KIDINS220: variants seen among roughly 807,000 people sequenced by gnomAD.
KIDINS220 encodes the protein kinase D-interacting substrate of 220 kDa.
Under a neutral mutation model 157.6 loss-of-function variants are expected in KIDINS220, and 63 were observed. The observed-to-expected ratio is 0.40, with a 90% confidence interval of 0.33 to 0.49. The LOEUF is 0.49. Ranked by LOEUF, KIDINS220 falls within the 20% of genes least tolerant of loss-of-function variation. The probability of loss-of-function intolerance (pLI) is 0.66; values close to 1 mark genes in which losing one functional copy is unlikely to be tolerated. For synonymous variants in KIDINS220, 732 were observed against 783.6 expected (o/e 0.93, Z 1.10); for missense variants, 1,772 against 2,171.2 (o/e 0.82, Z 3.65).
At chr2:8,819,806 C>T (rs978520719) in intron 2 of KIDINS220, among the ~76,000 whole-genome samples, 14 of 151,834 alleles carry the variant, frequency 9.2e-5, no homozygotes, top group African/African-American at 3.1e-4. Context: ...GCCTGGGTGA[C>T]AGAGCAAGAC....
rs1572395535 is a variant in KIDINS220, at chr2:8,730,306, T to C, written c.*414A>G. The C allele has an allele frequency of 1.0e-6, 1 of 1,003,574 alleles. No individual in the cohort carries two copies. The highest frequency in any genetic ancestry group is 1.0e-4 in the East Asian group (1 of 9,598). 62.2% of individuals were successfully genotyped at this position (1,003,574 alleles called of 1,614,324 possible). On this transcript the variant is annotated 3_prime_UTR_variant, in exon 30 of 30. Transcript: ENST00000256707. ...CCCTAAGAGCAGGGTTTGCTTCTGC[T>C]TCACCTAACGCCACGTCTTCCCTCA...
intron 23 of KIDINS220, 101 bp from the exon 24 acceptor site, chr2:8,750,436 T>C: frequency 1.4e-6 from 1 of 731,870 alleles, no homozygotes; most frequent in Non-Finnish European, 2.0e-6. Flanking sequence ...GAAACATGAC[T>C]TTATCACTCT....
chr2:8,790,180 A>G (rs1478812003), intron 13 of KIDINS220, 121 bp from the exon 14 acceptor site: 2 of 837,798 alleles, frequency 2.4e-6, no homozygotes, highest in Non-Finnish European at 3.6e-6. Context: ...GTAGGTCCCT[A>G]GATGGAATAC....
At position 8,734,863 on chromosome 2, in the gene KIDINS220, A is replaced by T. The variant is rs911041596; in HGVS notation, c.3718-110T>A. On this transcript the variant is annotated intron_variant, in intron 27 of 29. Transcript: ENST00000256707. ...TTTAGTTTTAAATAAGTCTCTAGAG[A>T]CCAGAAAGGCTGACCAAAAAAAAGG... 10 of 724,594 alleles carry T rather than the reference A, an allele frequency of 1.4e-5. No individual in the cohort carries two copies. In the African/African-American group the frequency reaches 1.4e-4, roughly 11 times the overall value. The allele number at this position is 724,594 out of a possible 1,614,324, so 44.9% of individuals were successfully genotyped here. A position where few individuals can be genotyped will look rare whatever the true frequency, so the allele number is the denominator to read the frequency against.
chr2:8,770,877 T>C (rs763044152), intron 21 of KIDINS220, 45 bp from the exon 22 acceptor site: 5 of 1,234,076 alleles, frequency 4.1e-6, no homozygotes, highest in South Asian at 3.1e-5. Context: ...AGATGTGTGA[T>C]AGTATGTTAA....
At chr2:8,799,929 T>C (rs1231249933) in intron 9 of KIDINS220, among the ~76,000 whole-genome samples, 3 of 152,176 alleles carry the variant, frequency 2.0e-5, no homozygotes, top group African/African-American at 7.2e-5. Flanking sequence ...TTAAGCAATG[T>C]CCATAGGCAC....
At chr2:8,825,372 C>CAAAAAAAAAAAAAAAAAAAAAA (rs369409976) in intron 2 of KIDINS220, among the ~76,000 whole-genome samples, 1 of 108,614 alleles carries the variant, frequency 9.2e-6, no homozygotes, top group Non-Finnish European at 1.8e-5. Context: ...GACTCCGTCT[C>CAAAAAAAAAAAAAAAAAAAAAA]AAAAAAAAAA....
In KIDINS220 at chr2:8,809,840, T is replaced by G. The variant is rs1474072268; in HGVS notation, c.504+2555A>C. On this transcript the variant is annotated intron_variant, in intron 6 of 29. Transcript: ENST00000256707. ...TGTACTATTAAACGTTAATTTTTTC[T>G]AAAACACCCCTTTGCAACCACCTAC... is the stretch of plus-strand genomic sequence containing the variant. Among the ~76,000 whole-genome samples the G allele has an allele frequency of 2.6e-5, 4 of 152,112 alleles. No homozygotes were observed. In the East Asian group the frequency reaches 7.7e-4, roughly 29 times the overall value.
At chr2:8,734,775 T>C in intron 27 of KIDINS220, 22 bp from the exon 28 acceptor site, 11 of 1,512,090 alleles carry the variant, frequency 7.3e-6, no homozygotes, top group Non-Finnish European at 9.2e-6. Flanking sequence ...TTAAAACAAT[T>C]ATGGGTATAA....
chr2:8,833,150 C>G (rs952214242), intron 1 of KIDINS220, among the ~76,000 whole-genome samples: 1 of 152,192 alleles, frequency 6.6e-6, no homozygotes, highest in Non-Finnish European at 1.5e-5. Context: ...CAGCTTACTC[C>G]TTCTACCTAA....
At chr2:8,771,366 T>C (rs1353790762) in intron 21 of KIDINS220, among the ~76,000 whole-genome samples, 2 of 152,216 alleles carry the variant, frequency 1.3e-5, no homozygotes, top group African/African-American at 2.4e-5. Context: ...ATGTTTCTAA[T>C]ATTTATTATT....
intron 7 of KIDINS220, among the ~76,000 whole-genome samples, chr2:8,804,445 T>C (rs1675158949): frequency 6.6e-6 from 1 of 152,190 alleles, no homozygotes; most frequent in Non-Finnish European, 1.5e-5. Context: ...ATCAGGCTTC[T>C]TCACCTCTCC....
intron 8 of KIDINS220, among the ~76,000 whole-genome samples, chr2:8,802,387 T>A (rs780326974): frequency 6.6e-6 from 1 of 152,028 alleles, no homozygotes; most frequent in Non-Finnish European, 1.5e-5. Context: ...AGTGGACAGA[T>A]AAAGGATTTG....
intron 6 of KIDINS220, among the ~76,000 whole-genome samples, chr2:8,809,949 A>C (rs1046344613): frequency 6.6e-6 from 1 of 152,018 alleles, no homozygotes; most frequent in African/African-American, 2.4e-5. Context: ...AGACTCACCC[A>C]AAGGTAGCTC....
At chr2:8,802,887 T>A (rs1674916807) in intron 8 of KIDINS220, 43 bp downstream of exon 8, 1 of 1,529,930 alleles carries the variant, frequency 6.5e-7, no homozygotes, top group African/African-American at 1.4e-5. Flanking sequence ...TCACCTTTCA[T>A]CCACTTCACC....
Position 8,734,706 on chromosome 2 carries a change from C to T in KIDINS220, c.3765G>A (p.Leu1255=). 1.9e-6 allele frequency: 3 copies of T among 1,613,646 alleles called. No homozygotes were observed. The highest frequency in any genetic ancestry group is 2.2e-5 in the South Asian group (2 of 90,922). The change falls in exon 28 of 30, where the codon CTG becomes CTA. Residue 1255 remains leucine (L), a synonymous_variant. Transcript: ENST00000256707. ...CAAAATTCATATTCATCTCTTTCTT[C>T]AGCTCATCAATGTTACACTGAGCTA... ...RVLAQCNIDE[L]KKEMNMNFGD...
Position 8,750,131 on chromosome 2 carries a change from T to C in KIDINS220, c.3395A>G (p.Gln1132Arg), listed in dbSNP as rs1035641863. The C allele has an allele frequency of 6.2e-7, 1 of 1,614,124 alleles. No individual in the cohort carries two copies. The highest frequency in any genetic ancestry group is 1.7e-5 in the Admixed American group (1 of 60,020). Residue 1132 changes from glutamine (Q) to arginine (R), a missense_variant, in exon 24 of 30, where the codon CAG (glutamine) becomes CGG (arginine). By Grantham distance (43) the Gln-to-Arg change is conservative (BLOSUM62 1). This residue lies in a region of KIDINS220 where 793 missense variants were observed against 885.5 expected (regional missense o/e 0.90). Transcript: ENST00000256707. Reference sequence around the variant, plus strand: ...CCTTACCCTGTTGTAGAAGGGATGCTGAGGGCCCGTCATGCCGCTGTAATA... The same window carrying C: ...CCTTACCCTGTTGTAGAAGGGATGCCGAGGGCCCGTCATGCCGCTGTAATA... Reference protein sequence around the residue: ...SSYYSGMTGPQHPFYNRPFFA... With the variant: ...SSYYSGMTGPRHPFYNRPFFA...
At chr2:8,762,987 C>T (rs924640201) in intron 22 of KIDINS220, among the ~76,000 whole-genome samples, 2 of 152,068 alleles carry the variant, frequency 1.3e-5, no homozygotes, top group Non-Finnish European at 1.5e-5. Context: ...AAGTTGTTCG[C>T]GTTTTTCAAC....
At position 8,730,685 on chromosome 2, in the gene KIDINS220, G is replaced by A. The variant is rs751025918; in HGVS notation, c.*35C>T. On this transcript the variant is annotated 3_prime_UTR_variant, in exon 30 of 30. Transcript: ENST00000256707. ...AAATCCAGGACAATTCTGTCATAAA[G>A]GTACAGTAACACTCTTCTCCTTTGC... 2.1e-4 allele frequency: 327 copies of A among 1,588,678 alleles called. No homozygotes were observed. Among genetic ancestry groups the A allele is most frequent in the Non-Finnish European group, 2.7e-4 (313 of 1,170,342 alleles).
Sources: gnomAD v4.1 joint callset for allele counts (sites outside exome capture counted in the v4.1 genomes callset) on GRCh38, gnomAD v4.1.1 for gene constraint, gnomAD v4.1.1 regional missense constraint, MANE v1.5 for transcripts, NCBI Gene and HGNC (gene_info 2026-07-23, HGNC 2026-07-21) for gene names.